The following SBF2 variants were observed in gnomAD, a reference collection of about 807,000 sequenced individuals.
SBF2 encodes myotubularin-related protein 13.
A neutral mutation model predicts 225.2 loss-of-function variants in SBF2; 112 were observed. The observed-to-expected ratio is 0.50, with a 90% CI of 0.43 to 0.58. The LOEUF (loss-of-function observed/expected upper bound fraction) is 0.58, where lower values mean the gene tolerates loss of function less well. Among genes scored for constraint, SBF2 ranks in the 20% least tolerant of loss-of-function variants. The pLI is 0.00. For synonymous variants in SBF2, 763 were observed against 773.3 expected, an observed-to-expected ratio of 0.99 and a Z score of 0.22; for missense variants, 1,996 against 2,206.2, an observed-to-expected ratio of 0.90 and a Z score of 1.91.
At chr11:10,085,591 C>G (rs1467684326) in intron 2 of SBF2, among the ~76,000 whole-genome samples, 1 of 152,006 alleles carries the variant, frequency 6.6e-6, no homozygotes, top group African/African-American at 2.4e-5. Flanking sequence ...TCTTTTTGAA[C>G]ATTCGGTATG....
intron 1 of SBF2, among the ~76,000 whole-genome samples, chr11:10,299,244 A>G (rs1024713987): frequency 6.6e-6 from 1 of 151,848 alleles, no homozygotes; most frequent in Non-Finnish European, 1.5e-5. Context: ...AGGCTGAGGC[A>G]AAAGAATGGC....
chr11:9,942,724 G>C (rs190037071), intron 16 of SBF2, among the ~76,000 whole-genome samples: 2 of 152,152 alleles, frequency 1.3e-5, no homozygotes, highest in Admixed American at 1.3e-4. Flanking sequence ...CCAGCTACCA[G>C]GGAGGTTGAG....
intron 12 of SBF2, among the ~76,000 whole-genome samples, 185 bp from the exon 13 acceptor site, chr11:9,989,780 T>C (rs551891623): frequency 3.1e-4 from 47 of 152,304 alleles, no homozygotes; most frequent in African/African-American, 1.1e-3. Flanking sequence ...AACCCTTGAA[T>C]TGTCTAGTGG....
intron 2 of SBF2, among the ~76,000 whole-genome samples, chr11:10,124,866 A>G (rs1310378429): frequency 6.6e-6 from 1 of 152,126 alleles, no homozygotes; most frequent in Non-Finnish European, 1.5e-5. Context: ...GCACTTTGGG[A>G]GGCCGAGGCA....
intron 1 of SBF2, among the ~76,000 whole-genome samples, chr11:10,279,051 T>C (rs1230492843): frequency 1.4e-5 from 2 of 138,302 alleles, no homozygotes; most frequent in Non-Finnish European, 3.0e-5. Flanking sequence ...TGAGCTATGA[T>C]CGCACTTCTG....
intron 2 of SBF2, among the ~76,000 whole-genome samples, chr11:10,090,592 T>C (rs1590933327): frequency 6.6e-6 from 1 of 151,654 alleles, no homozygotes; most frequent in Non-Finnish European, 1.5e-5. Context: ...TGGTGAAACC[T>C]CATCTCTACC....
intron 2 of SBF2, among the ~76,000 whole-genome samples, chr11:10,157,464 C>T (rs1955532720): frequency 6.6e-6 from 1 of 152,196 alleles, no homozygotes; most frequent in Non-Finnish European, 1.5e-5. Context: ...AGGTAACTAT[C>T]AACAAAGTAA....
At chr11:10,209,950 T>C (rs1488394966) in intron 1 of SBF2, among the ~76,000 whole-genome samples, 1 of 152,152 alleles carries the variant, frequency 6.6e-6, no homozygotes, top group Non-Finnish European at 1.5e-5. Context: ...CTTGTTCTCA[T>C]GGTTTAATAT....
intron 22 of SBF2, among the ~76,000 whole-genome samples, chr11:9,849,650 G>A (rs917160731): frequency 2.6e-5 from 4 of 152,204 alleles, no homozygotes; most frequent in African/African-American, 9.7e-5. Flanking sequence ...AAAGGTTCAA[G>A]TATCTGCAAG....
At chr11:10,276,498 A>T (rs779111182) in intron 1 of SBF2, among the ~76,000 whole-genome samples, 13 of 152,142 alleles carry the variant, frequency 8.5e-5, no homozygotes, top group Non-Finnish European at 1.6e-4. Flanking sequence ...TTGAGAATCT[A>T]CTCACTGTTT....
intron 17 of SBF2, among the ~76,000 whole-genome samples, chr11:9,872,010 A>G (rs899523802): frequency 1.3e-5 from 2 of 152,228 alleles, no homozygotes; most frequent in African/African-American, 4.8e-5. Flanking sequence ...TTATAAAGAT[A>G]CATGCATGCA....
chr11:10,029,773 C>T lies in SBF2; in HGVS notation c.505G>A (p.Gly169Arg). 1.2e-6 allele frequency: 2 copies of T among 1,609,490 alleles called. No individual in the cohort carries two copies. Among genetic ancestry groups the T allele is most frequent in the Non-Finnish European group, 1.7e-6 (2 of 1,175,792 alleles). The change falls in exon 5 of 40, where the codon GGG (glycine) becomes AGG (arginine). Residue 169 changes from glycine to arginine, a missense_variant. Coordinates refer to ENST00000256190, the MANE Select transcript of SBF2 (RefSeq NM_030962.4). The stretch of plus-strand genomic sequence containing the variant: ...CTTTCTATTCTATTTACCTGAGACC[C>T]TCCAGCCGCTGGGACAAGGCAGGCA... The part of the protein sequence containing the change: ...LCACLVPAAG[G>R]SQKLFSLGAG...
At chr11:9,982,082 C>T (rs760770989) in intron 13 of SBF2, among the ~76,000 whole-genome samples, 4 of 152,186 alleles carry the variant, frequency 2.6e-5, no homozygotes, top group African/African-American at 4.8e-5. Flanking sequence ...TTATCACATC[C>T]GAGTCCTTTT....
intron 16 of SBF2, among the ~76,000 whole-genome samples, chr11:9,951,566 C>T (rs535896182): frequency 3.9e-5 from 6 of 152,234 alleles, no homozygotes; most frequent in African/African-American, 1.4e-4. Flanking sequence ...ATGAAAATAC[C>T]AGATTTTCAT....
intron 2 of SBF2, among the ~76,000 whole-genome samples, chr11:10,131,366 T>A (rs1177533446): frequency 6.6e-6 from 1 of 152,032 alleles, no homozygotes; most frequent in Non-Finnish European, 1.5e-5. Flanking sequence ...GCAAAATATC[T>A]TTTTGTGTCT....
intron 1 of SBF2, among the ~76,000 whole-genome samples, chr11:10,284,780 CATTTTT>C (rs745516201): frequency 4.0e-4 from 61 of 151,836 alleles, no homozygotes; most frequent in Non-Finnish European, 1.2e-4. Flanking sequence ...CTGGCTAATT[CATTTTT>C]ATGTTTTTTT....
chr11:9,795,725 C>G (rs1409228306), intron 33 of SBF2, 106 bp downstream of exon 33: 7 of 1,378,814 alleles, frequency 5.1e-6, no homozygotes, highest in African/African-American at 1.4e-5. Context: ...CAGAGTTAAA[C>G]CTTAACTCAG....
At chr11:10,015,134 T>C (rs1453042334) in intron 6 of SBF2, among the ~76,000 whole-genome samples, 2 of 152,080 alleles carry the variant, frequency 1.3e-5, no homozygotes, top group Admixed American at 6.5e-5. Flanking sequence ...ACGCACCCTG[T>C]CTCAATAATA....
chr11:10,144,522 G>A (rs1271263513), intron 2 of SBF2, among the ~76,000 whole-genome samples: 1 of 151,990 alleles, frequency 6.6e-6, no homozygotes, highest in Non-Finnish European at 1.5e-5. Context: ...ATTAAGGCTG[G>A]CTTTCTTATT....
Sources: gnomAD v4.1 joint callset for allele counts (sites outside exome capture counted in the v4.1 genomes callset) on GRCh38, gnomAD v4.1.1 for gene constraint, MANE v1.5 for transcripts, NCBI Gene and HGNC (gene_info 2026-07-23, HGNC 2026-07-21) for gene names.